The following CACNA1I variants were observed in gnomAD, a reference collection of about 807,000 sequenced individuals.
CACNA1I encodes voltage-dependent T-type calcium channel subunit alpha-1I.
Under a neutral mutation model 201.6 loss-of-function variants are expected in CACNA1I, and 74 were observed. That is an observed-to-expected ratio of 0.37 (90% CI 0.30 to 0.45). CACNA1I has a LOEUF of 0.45. Ranked by LOEUF, CACNA1I falls within the 20% of genes least tolerant of loss-of-function variation. The pLI is 1.00. For missense variants in CACNA1I, 2,346 were observed against 3,138.1 expected, an observed-to-expected ratio of 0.75 and a Z score of 6.03; for synonymous variants, 1,431 against 1,345.2, an observed-to-expected ratio of 1.06 and a Z score of -1.40.
chr22:39,662,777 C>T lies in CACNA1I; in HGVS notation c.3374C>T (p.Thr1125Ile), dbSNP rs1335854182. ...RGEDEEEIDY[T>I]LCFRVRKMID... Reference sequence around the variant, plus strand: ...GGCGCTCCGTCCTCCTCTTGCTAGACCCTGTGCTTCCGCGTCCGCAAGATG... The same window carrying T: ...GGCGCTCCGTCCTCCTCTTGCTAGATCCTGTGCTTCCGCGTCCGCAAGATG... Residue 1125 changes from threonine (T) to isoleucine (I), a missense_variant and splice_region_variant, in exon 18 of 37, where the codon ACC (threonine) becomes ATC (isoleucine). Thr to Ile is a moderately conservative substitution (Grantham distance 89). Around this residue, in one of 13 missense-constraint regions of CACNA1I, gnomAD observed 158 missense variants for 231.6 expected, o/e 0.68. Transcript: ENST00000402142. 1.9e-6 allele frequency: 3 copies of T among 1,577,500 alleles called. No individual in the cohort carries two copies. Among genetic ancestry groups the T allele is most frequent in the Non-Finnish European group, 2.6e-6 (3 of 1,161,392 alleles).
chr22:39,670,509 C>T (rs1935339411), intron 25 of CACNA1I, among the ~76,000 whole-genome samples: 1 of 152,168 alleles, frequency 6.6e-6, no homozygotes, highest in African/African-American at 2.4e-5. Flanking sequence ...GTGCCCTGGG[C>T]CATGGGAAAC....
intron 3 of CACNA1I, among the ~76,000 whole-genome samples, chr22:39,614,985 C>T (rs1166738807): frequency 2.0e-5 from 3 of 152,190 alleles, no homozygotes; most frequent in East Asian, 1.9e-4. Flanking sequence ...ACTGAAGTTG[C>T]GTGAGAAAGT....
At chr22:39,594,580 A>G (rs1932858219) in intron 1 of CACNA1I, among the ~76,000 whole-genome samples, 1 of 151,958 alleles carries the variant, frequency 6.6e-6, no homozygotes, top group African/African-American at 2.4e-5. Context: ...GGAGCTGAGA[A>G]GAGGCCACGA....
intron 2 of CACNA1I, 139 bp downstream of exon 2, chr22:39,598,401 C>T (rs943403804): frequency 1.6e-6 from 1 of 626,124 alleles, no homozygotes; most frequent in Non-Finnish European, 2.9e-6. Context: ...CGTGCCCTTC[C>T]CCATCCTGCG....
chr22:39,634,858 A>G lies in CACNA1I; in HGVS notation c.740+134A>G. 3 of 779,144 alleles carry G rather than the reference A, an allele frequency of 3.9e-6. No homozygotes were observed. In the South Asian group the frequency reaches 5.6e-5, roughly 14 times the overall value. The allele number at this position is 779,144 out of a possible 1,614,324, so 48.3% of individuals were successfully genotyped here. On this transcript the variant is annotated intron_variant, in intron 5 of 36. Coordinates refer to ENST00000402142, the MANE Select transcript of CACNA1I (RefSeq NM_021096.4). The stretch of plus-strand genomic sequence containing the variant: ...AAAGAGAGGTCAGGTAGGAGGGGAA[A>G]GGGAAGTTAAGACACAAGCAGAAGT...
chr22:39,586,919 G>A (rs1242125361), intron 1 of CACNA1I, among the ~76,000 whole-genome samples: 3 of 152,192 alleles, frequency 2.0e-5, no homozygotes, highest in African/African-American at 7.2e-5. Context: ...AAGCCTTCCT[G>A]CCTGCATACT....
Position 39,677,341 on chromosome 22 carries a change from G to T in CACNA1I, c.4855G>T (p.Val1619Leu). The change falls in exon 30 of 37, where the codon GTG (valine) becomes TTG (leucine). Residue 1619 changes from valine to leucine, a missense_variant and splice_region_variant. Val to Leu is a conservative substitution (Grantham distance 32). Coordinates refer to ENST00000402142, the MANE Select transcript of CACNA1I (RefSeq NM_021096.4). The surrounding 1 kb of genome is among the most constrained non-coding windows in gnomAD (Gnocchi z 4.8). ...LDTVVQALPQVGNLGLLFMLL... is the reference protein window; with the variant it reads ...LDTVVQALPQLGNLGLLFMLL... Reference sequence around the variant, plus strand: ...CCCGGCCTCACCTGTCCTCCCGCAGGTGGGCAACCTGGGCCTCCTCTTCAT... The same window carrying T: ...CCCGGCCTCACCTGTCCTCCCGCAGTTGGGCAACCTGGGCCTCCTCTTCAT... The T allele has an allele frequency of 6.3e-7, 1 of 1,592,798 alleles. No individual in the cohort carries two copies. Among genetic ancestry groups the T allele is most frequent in the Non-Finnish European group, 8.5e-7 (1 of 1,172,830 alleles).
chr22:39,581,627 C>A (rs1370327331), intron 1 of CACNA1I, among the ~76,000 whole-genome samples: 1 of 152,154 alleles, frequency 6.6e-6, no homozygotes, highest in Non-Finnish European at 1.5e-5. Context: ...GAAGGGCCAG[C>A]CCCTGCCAGG....
At chr22:39,594,543 C>A (rs369258082) in intron 1 of CACNA1I, among the ~76,000 whole-genome samples, 1 of 151,494 alleles carries the variant, frequency 6.6e-6, no homozygotes, top group South Asian at 2.1e-4. Context: ...GGTGAGGGGA[C>A]GGGAAGGAGC....
At chr22:39,658,328 C>G in intron 11 of CACNA1I, 25 bp downstream of exon 11, 2 of 1,608,744 alleles carry the variant, frequency 1.2e-6, no homozygotes, top group Non-Finnish European at 1.7e-6. Context: ...ACCCACCCGG[C>G]AGCAGAGTGC....
intron 3 of CACNA1I, 45 bp downstream of exon 3, chr22:39,600,698 A>C: frequency 6.5e-7 from 1 of 1,539,036 alleles, no homozygotes; most frequent in Non-Finnish European, 8.7e-7. Context: ...GGTGCACACC[A>C]GGCATAATTG....
intron 3 of CACNA1I, among the ~76,000 whole-genome samples, chr22:39,612,345 C>G (rs1032824013): frequency 7.2e-5 from 11 of 152,198 alleles, no homozygotes; most frequent in African/African-American, 2.7e-4. Context: ...TCCAGTCTTT[C>G]TGCTTCTGTT....
rs779064901 is a variant in CACNA1I at position 39,662,206 on chromosome 22, A to AC, written c.3145dup (p.Arg1049ProfsTer44). On this transcript the variant is annotated frameshift_variant, in exon 17 of 37. Coordinates refer to ENST00000402142, the MANE Select transcript of CACNA1I (RefSeq NM_021096.4). LOFTEE classifies it high-confidence loss of function. ...ATTCATCACGGGCCCCATCTGGCGC[A>AC]CCGCCACCGCCACCACCGCCGGACG... is the stretch of plus-strand genomic sequence containing the variant. 1 of 1,527,660 alleles carries AC rather than the reference A, an allele frequency of 6.5e-7. No individual in the cohort carries two copies. Among genetic ancestry groups the AC allele is most frequent in the South Asian group, 1.2e-5 (1 of 82,260 alleles). The allele number at this position is 1,527,660 out of a possible 1,614,324, so 94.6% of individuals were successfully genotyped here.
At chr22:39,644,282 G>C (rs531156468) in intron 7 of CACNA1I, among the ~76,000 whole-genome samples, 2 of 152,322 alleles carry the variant, frequency 1.3e-5, no homozygotes, top group East Asian at 1.9e-4. Context: ...GGGTGGCTAA[G>C]GGTACAGTTG....
rs1935931140 is a variant in CACNA1I at position 39,687,796 on chromosome 22, T to C, written c.*1391T>C. On this transcript the variant is annotated 3_prime_UTR_variant, in exon 37 of 37. Transcript: ENST00000402142. The stretch of plus-strand genomic sequence containing the variant: ...GGAAAAAAATGCATTGAACCCGTGA[T>C]TTCACAGACATTTTGCTTAGGTCAA... The C allele has an allele frequency of 6.6e-6, 1 of 152,264 alleles. No homozygotes were observed. Among genetic ancestry groups the C allele is most frequent in the South Asian group, 2.1e-4 (1 of 4,834 alleles). 9.4% of individuals were successfully genotyped at this position (152,264 alleles called of 1,614,324 possible). A position where few individuals can be genotyped will look rare whatever the true frequency, so the allele number is the denominator to read the frequency against.
At position 39,660,362 on chromosome 22, in the gene CACNA1I, T is replaced by C; in HGVS notation, c.2623T>C (p.Tyr875His). Reference sequence around the variant, plus strand: ...CTCCCAGGGTGACGCCAATCGCTCCTACTCGGACGAGGACCAGAGCTCATC... The same window carrying C: ...CTCCCAGGGTGACGCCAATCGCTCCCACTCGGACGAGGACCAGAGCTCATC... The part of the protein sequence containing the change: ...FQAEGDANRS[Y>H]SDEDQSSSNI... The change falls in exon 15 of 37, where the codon TAC becomes CAC. Residue 875 changes from tyrosine (Y) to histidine (H), a missense_variant. Physicochemically the swap from Tyr to His is moderately conservative, Grantham distance 83. This residue lies in a region of CACNA1I where 92 missense variants were observed against 114.5 expected (regional missense o/e 0.80). Transcript: ENST00000402142. 6.2e-7 allele frequency: 1 copy of C among 1,612,762 alleles called. No individual in the cohort carries two copies. Among genetic ancestry groups the C allele is most frequent in the Non-Finnish European group, 8.5e-7 (1 of 1,179,586 alleles).
At chr22:39,592,385 C>G (rs897962256) in intron 1 of CACNA1I, among the ~76,000 whole-genome samples, 5 of 152,188 alleles carry the variant, frequency 3.3e-5, no homozygotes, top group Non-Finnish European at 4.4e-5. Context: ...GGTGGTGAGT[C>G]TGTTGTCTAA....
At position 39,633,562 on chromosome 22, in the gene CACNA1I, T is replaced by A. The variant is rs1934123239; in HGVS notation, c.581-1003T>A. ...AGGGCTGCGGTGGCTGAATAGGGAT[T>A]TGCCAGGCAGAAGAGAGGAGCAAGG... On this transcript the variant is annotated intron_variant, in intron 4 of 36. Transcript: ENST00000402142. Among the ~76,000 whole-genome samples, 3 of 152,236 alleles carry A rather than the reference T, an allele frequency of 2.0e-5. No individual in the cohort carries two copies. In the South Asian group the frequency reaches 6.2e-4, roughly 32 times the overall value.
intron 1 of CACNA1I, among the ~76,000 whole-genome samples, chr22:39,585,386 CTTTTTT>C (rs67733131): frequency 1.1e-5 from 1 of 90,456 alleles, no homozygotes; most frequent in African/African-American, 4.6e-5. Flanking sequence ...TTCTTTCTTT[CTTTTTT>C]TTTTTTTTTT....
Sources: allele counts gnomAD v4.1 joint callset (sites outside exome capture counted in the v4.1 genomes callset), GRCh38; gene constraint gnomAD v4.1.1; regional missense constraint gnomAD v4.1.1; non-coding constraint Gnocchi (gnomAD v3.1); transcripts MANE v1.5; gene names NCBI Gene and HGNC (gene_info 2026-07-23, HGNC 2026-07-21).